TRMT11: variants seen among roughly 807,000 people sequenced by gnomAD.
TRMT11 encodes the protein tRNA (guanine(10)-N(2))-methyltransferase TRMT11.
TRMT11 carries 53 observed loss-of-function variants against 62.8 expected under a neutral mutation model. The ratio of observed to expected loss-of-function variants is 0.84; its 90% CI spans 0.68 to 1.06. The LOEUF is 1.06. TRMT11 is among the 50% of genes least tolerant of loss of function. The pLI is 0.00. For synonymous variants in TRMT11, 188 were observed against 190.3 expected (o/e 0.99, Z 0.10); for missense variants, 556 against 553.4 (o/e 1.00, Z -0.05).
intron 21 of TRMT11, among the ~76,000 whole-genome samples, chr6:126,155,893 T>C (rs1293090230): frequency 6.6e-6 from 1 of 152,010 alleles, no homozygotes; most frequent in Admixed American, 6.6e-5. Flanking sequence ...GGTAATTTTT[T>C]TTTTTAATAT....
At chr6:126,004,458 A>G (rs1189529657) in intron 7 of TRMT11, among the ~76,000 whole-genome samples, 1 of 152,086 alleles carries the variant, frequency 6.6e-6, no homozygotes, top group Non-Finnish European at 1.5e-5. Context: ...TTAGGACATC[A>G]GTCAATTTTT....
intron 12 of TRMT11, among the ~76,000 whole-genome samples, chr6:126,029,754 G>A (rs549891028): frequency 6.6e-6 from 1 of 152,152 alleles, no homozygotes; most frequent in Non-Finnish European, 1.5e-5. Flanking sequence ...TAAATGTTTA[G>A]TGTGTTGACT....
chr6:126,012,658 G>GA, intron 9 of TRMT11, 113 bp from the exon 10 acceptor site: 1 of 682,806 alleles, frequency 1.5e-6, no homozygotes, highest in South Asian at 1.9e-5. Flanking sequence ...TTTGTGCATT[G>GA]GTGATGTTGT....
chr6:126,251,393 T>G, the TRMT11 span, among the ~76,000 whole-genome samples: 2 of 152,158 alleles, frequency 1.3e-5, no homozygotes, highest in Non-Finnish European at 2.9e-5. Flanking sequence ...AACATAAAAT[T>G]TTGATATATG....
At chr6:126,015,395 T>TA (rs1794851665) in intron 11 of TRMT11, among the ~76,000 whole-genome samples, 1 of 151,484 alleles carries the variant, frequency 6.6e-6, no homozygotes. Context: ...CCCAGCTAAT[T>TA]TTTTGTATTT....
At chr6:126,092,638 A>G (rs1777289763) in intron 17 of TRMT11, among the ~76,000 whole-genome samples, 1 of 152,066 alleles carries the variant, frequency 6.6e-6, no homozygotes, top group African/African-American at 2.4e-5. Context: ...AGAGAACACA[A>G]TGAATACAAC....
chr6:126,174,143 C>T (rs913551225), upstream of TRMT11, among the ~76,000 whole-genome samples: 1 of 152,160 alleles, frequency 6.6e-6, no homozygotes, highest in East Asian at 1.9e-4. Flanking sequence ...TCCCCACTGT[C>T]GCCCACTCCT....
At chr6:126,137,922 T>C (rs908520000) in intron 21 of TRMT11, among the ~76,000 whole-genome samples, 2 of 151,706 alleles carry the variant, frequency 1.3e-5, no homozygotes, top group Non-Finnish European at 2.9e-5. Flanking sequence ...TAAAAGTAGA[T>C]CTCATGGATA....
intron 21 of TRMT11, among the ~76,000 whole-genome samples, chr6:126,152,551 C>T (rs762147393): frequency 3.9e-5 from 6 of 152,148 alleles, no homozygotes; most frequent in Non-Finnish European, 8.8e-5. Flanking sequence ...CTGGGAGACA[C>T]ATGCCTCAGG....
chr6:126,127,888 A>G (rs993822852), intron 21 of TRMT11, among the ~76,000 whole-genome samples: 1 of 152,048 alleles, frequency 6.6e-6, no homozygotes, highest in African/African-American at 2.4e-5. Flanking sequence ...ACTCATTGAC[A>G]GGGTGATTGG....
chr6:126,269,561 T>G, the TRMT11 span, among the ~76,000 whole-genome samples: 954 of 152,330 alleles, frequency 6.3e-3, 15 homozygotes, highest in African/African-American at 0.022. Context: ...TCTGATCATT[T>G]ATTCTGAAGG....
At chr6:126,054,220 G>A (rs1388677219) in intron 17 of TRMT11, among the ~76,000 whole-genome samples, 1 of 152,212 alleles carries the variant, frequency 6.6e-6, no homozygotes, top group Admixed American at 6.5e-5. Flanking sequence ...AAGGGTGCCT[G>A]TAAAGAGGGA....
chr6:126,015,613 C>G (rs1056060523), intron 11 of TRMT11, among the ~76,000 whole-genome samples: 3 of 152,166 alleles, frequency 2.0e-5, no homozygotes, highest in Admixed American at 2.0e-4. Context: ...CAAGAACATT[C>G]CTATCTAACC....
chr6:126,202,559 AT>A (rs1336372633), downstream of TRMT11, among the ~76,000 whole-genome samples: 1 of 152,196 alleles, frequency 6.6e-6, no homozygotes, highest in African/African-American at 2.4e-5. Context: ...AAAGGGAGAG[AT>A]TGAATATAAA....
the TRMT11 span, among the ~76,000 whole-genome samples, chr6:126,225,685 ATTTTTT>A: frequency 1.9e-4 from 18 of 95,282 alleles, no homozygotes; most frequent in Admixed American, 3.3e-4. Context: ...TATGTTTACT[ATTTTTT>A]TTTTTTTTTT....
the TRMT11 span, among the ~76,000 whole-genome samples, chr6:126,249,566 G>A: frequency 6.6e-6 from 1 of 152,150 alleles, no homozygotes; most frequent in South Asian, 2.1e-4. Flanking sequence ...ATAATAAAAT[G>A]TGAGATAATG....
chr6:126,244,285 T>C, the TRMT11 span, among the ~76,000 whole-genome samples: 1 of 152,126 alleles, frequency 6.6e-6, no homozygotes, highest in African/African-American at 2.4e-5. Flanking sequence ...TAGATGAAGA[T>C]AGATTGCTGG....
chr6:126,222,879 T>A, the TRMT11 span, among the ~76,000 whole-genome samples: 1 of 151,444 alleles, frequency 6.6e-6, no homozygotes, highest in Non-Finnish European at 1.5e-5. Context: ...TGTTACCTGG[T>A]TCCTATATAG....
chr6:126,202,119 TAACTTAAACTC>T (rs1424096895), exon 4 of TRMT11: 1 of 152,184 alleles, frequency 6.6e-6, no homozygotes, highest in Non-Finnish European at 1.5e-5. Flanking sequence ...AGAAATAAAC[TAACTTAAACTC>T]ATATGTAGCC....
Sources: gnomAD v4.1 joint callset for allele counts (sites outside exome capture counted in the v4.1 genomes callset) on GRCh38, gnomAD v4.1.1 for gene constraint, MANE v1.5 for transcripts, NCBI Gene and HGNC (gene_info 2026-07-23, HGNC 2026-07-21) for gene names.